ADGRL3: variants seen among roughly 807,000 people sequenced by gnomAD.
The protein encoded by ADGRL3 is calcium-independent alpha-latrotoxin receptor 3.
ADGRL3 carries 62 observed loss-of-function variants against 153.5 expected under a neutral mutation model. The observed-to-expected ratio is 0.40, with a 90% CI of 0.33 to 0.50. The LOEUF is 0.50. ADGRL3 is among the 20% of genes least tolerant of loss of function. The probability of loss-of-function intolerance (pLI) is 0.47; values close to 1 mark genes in which losing one functional copy is unlikely to be tolerated. For synonymous variants in ADGRL3, 710 were observed against 672.5 expected, an observed-to-expected ratio of 1.06 and a Z score of -0.86; for missense variants, 1,641 against 1,859.4, an observed-to-expected ratio of 0.88 and a Z score of 2.16.
chr4:61,396,548 G>C (rs972311793), intron 2 of ADGRL3, among the ~76,000 whole-genome samples: 1 of 151,880 alleles, frequency 6.6e-6, no homozygotes, highest in African/African-American at 2.4e-5. Flanking sequence ...GAACTGAGGT[G>C]TTTGGCATTA....
chr4:61,634,909 G>C (rs1194187063), intron 5 of ADGRL3, among the ~76,000 whole-genome samples: 1 of 152,132 alleles, frequency 6.6e-6, no homozygotes, highest in Non-Finnish European at 1.5e-5. Flanking sequence ...TTTGAAATCT[G>C]CAAGAGCCCT....
At chr4:61,900,627 GA>G (rs1055553616) in intron 11 of ADGRL3, among the ~76,000 whole-genome samples, 1 of 152,028 alleles carries the variant, frequency 6.6e-6, no homozygotes, top group Non-Finnish European at 1.5e-5. Context: ...ATGAGATAGA[GA>G]AAAAAGAGAG....
In ADGRL3 at chr4:61,400,817, C is replaced by CA. The variant is rs67512824; in HGVS notation, c.-174+17646dup. Reference sequence around the variant, plus strand: ...TGCTCCATATGTGCAGCTAAAGTTACAAAAAAAAAAAAAAAAAAGTCCTGC... The same window carrying CA: ...TGCTCCATATGTGCAGCTAAAGTTACAAAAAAAAAAAAAAAAAAAGTCCTGC... On this transcript the variant is annotated intron_variant, in intron 2 of 26. Coordinates refer to ENST00000683033, the MANE Select transcript of ADGRL3 (RefSeq NM_001387552.1). 2.2e-4 allele frequency among the ~76,000 whole-genome samples: 25 copies of CA among 114,538 alleles called. 1 individual carries two copies. Among genetic ancestry groups the CA allele is most frequent in the South Asian group, 1.1e-3 (4 of 3,586 alleles). 75.1% of individuals were successfully genotyped at this position (114,538 alleles called of 152,430 possible). A position where few individuals can be genotyped will look rare whatever the true frequency, so the allele number is the denominator to read the frequency against.
At chr4:61,403,826 C>G (rs1047827129) in intron 2 of ADGRL3, among the ~76,000 whole-genome samples, 3 of 152,046 alleles carry the variant, frequency 2.0e-5, no homozygotes, top group African/African-American at 7.2e-5. Context: ...ATAGGACACA[C>G]AGCTGGTACC....
At chr4:61,920,542 A>G (rs924480166) in intron 13 of ADGRL3, among the ~76,000 whole-genome samples, 1 of 152,186 alleles carries the variant, frequency 6.6e-6, no homozygotes, top group Non-Finnish European at 1.5e-5. Context: ...TAGCTATGGT[A>G]GCTTAAACAA....
At chr4:61,769,617 G>C (rs2097057144) in intron 8 of ADGRL3, among the ~76,000 whole-genome samples, 1 of 152,140 alleles carries the variant, frequency 6.6e-6, no homozygotes, top group South Asian at 2.1e-4. Flanking sequence ...CTTCACCTGG[G>C]TGCAGGCAGG....
intron 1 of ADGRL3, among the ~76,000 whole-genome samples, chr4:61,289,797 A>G (rs150108478): frequency 0.011 from 1,626 of 152,226 alleles, 20 homozygotes; most frequent in South Asian, 0.064. Context: ...CACTAAAGGC[A>G]GAATGTCTAG....
At chr4:61,247,573 G>T (rs1008414061) in intron 1 of ADGRL3, among the ~76,000 whole-genome samples, 7 of 151,878 alleles carry the variant, frequency 4.6e-5, no homozygotes, top group East Asian at 1.9e-4. Flanking sequence ...TCCTCACCCC[G>T]AATGGTAATT....
chr4:61,993,919 A>G (rs2099112689), intron 19 of ADGRL3, among the ~76,000 whole-genome samples: 1 of 152,186 alleles, frequency 6.6e-6, no homozygotes, highest in African/African-American at 2.4e-5. Flanking sequence ...CAAAAGGGTA[A>G]CTAATTATCC....
chr4:62,019,939 T>C (rs769680845), intron 21 of ADGRL3, among the ~76,000 whole-genome samples: 19 of 152,234 alleles, frequency 1.2e-4, no homozygotes, highest in South Asian at 4.1e-4. Flanking sequence ...GCGAGAAAAC[T>C]GAGGCTTATA....
chr4:61,304,645 T>G (rs1407792525), intron 1 of ADGRL3, among the ~76,000 whole-genome samples: 4 of 152,180 alleles, frequency 2.6e-5, no homozygotes, highest in African/African-American at 7.2e-5. Flanking sequence ...AATTCATGTG[T>G]GTGTGTGTAT....
In ADGRL3 at chr4:62,071,095, CTG is replaced by C. The variant is rs1273549073; in HGVS notation, c.*188_*189del. 5 of 543,802 alleles carry C rather than the reference CTG, an allele frequency of 9.2e-6. No individual in the cohort carries two copies. The highest frequency in any genetic ancestry group is 1.3e-5 in the Non-Finnish European group (4 of 311,234). The allele number at this position is 543,802 out of a possible 1,614,324, so 33.7% of individuals were successfully genotyped here. On this transcript the variant is annotated 3_prime_UTR_variant, in exon 27 of 27. Transcript: ENST00000683033. ...AGGTCAGCCCAGGGGAGAAAGATAA[CTG>C]CTAAAATTCCCCTGTACCCCATCCT...
At chr4:62,002,016 T>G (rs762285032) in intron 21 of ADGRL3, among the ~76,000 whole-genome samples, 1 of 152,034 alleles carries the variant, frequency 6.6e-6, no homozygotes, top group Non-Finnish European at 1.5e-5. Flanking sequence ...AAAATGTGTT[T>G]GCTTCTCACC....
intron 5 of ADGRL3, among the ~76,000 whole-genome samples, chr4:61,638,223 A>G (rs2093513316): frequency 6.6e-6 from 1 of 152,226 alleles, no homozygotes; most frequent in African/African-American, 2.4e-5. Context: ...GGGACAAACT[A>G]GTGATGCATG....
intron 5 of ADGRL3, among the ~76,000 whole-genome samples, chr4:61,675,552 A>G (rs1580221510): frequency 6.6e-6 from 1 of 151,374 alleles, no homozygotes; most frequent in East Asian, 1.9e-4. Context: ...GTTTTTCCCC[A>G]TGAATTAATC....
intron 5 of ADGRL3, among the ~76,000 whole-genome samples, chr4:61,617,475 T>C (rs533442065): frequency 6.6e-6 from 1 of 152,258 alleles, no homozygotes; most frequent in East Asian, 1.9e-4. Context: ...TCTTTCCAGG[T>C]CTCTGATTCT....
chr4:61,862,216 A>G (rs1326741628), intron 9 of ADGRL3, among the ~76,000 whole-genome samples: 1 of 152,202 alleles, frequency 6.6e-6, no homozygotes, highest in African/African-American at 2.4e-5. Flanking sequence ...TAAAACTAGG[A>G]AAGTCCCAGG....
rs868206528 is a variant in ADGRL3 at position 61,911,156 on chromosome 4, A to G, written c.2073+1411A>G. Among the ~76,000 whole-genome samples the G allele has an allele frequency of 5.3e-5, 8 of 152,264 alleles. No homozygotes were observed. The South Asian group carries it at 1.5e-3, about 28-fold the overall frequency. On this transcript the variant is annotated intron_variant, in intron 12 of 26. Transcript: ENST00000683033. ...AATATTGCTGCCAGCTATTGTTATCATAATGTACCGGATGTAGTCATTTCT... is the reference window on the plus strand; with the variant it reads ...AATATTGCTGCCAGCTATTGTTATCGTAATGTACCGGATGTAGTCATTTCT...
At chr4:61,283,369 G>A (rs528393178) in intron 1 of ADGRL3, among the ~76,000 whole-genome samples, 6 of 152,174 alleles carry the variant, frequency 3.9e-5, no homozygotes, top group Non-Finnish European at 1.5e-5. Flanking sequence ...TAAGAACTGA[G>A]AGTTTTTCAG....
Sources: gnomAD v4.1 joint callset for allele counts (sites outside exome capture counted in the v4.1 genomes callset) on GRCh38, gnomAD v4.1.1 for gene constraint, MANE v1.5 for transcripts, NCBI Gene and HGNC (gene_info 2026-07-23, HGNC 2026-07-21) for gene names.